ZNF292: variants seen among roughly 807,000 people sequenced by gnomAD.
ZNF292 encodes 16 zinc-finger domain protein.
A neutral mutation model predicts 217.9 loss-of-function variants in ZNF292; 26 were observed. The observed-to-expected ratio is 0.12, with a 90% CI of 0.09 to 0.17. The LOEUF (loss-of-function observed/expected upper bound fraction) is 0.17. Ranked by LOEUF, ZNF292 falls within the 10% of genes least tolerant of loss-of-function variation. The probability of loss-of-function intolerance (pLI) is 1.00; values close to 1 mark genes in which losing one functional copy is unlikely to be tolerated. For synonymous variants in ZNF292, 1,257 were observed against 1,124.1 expected (o/e 1.12, Z -2.37); for missense variants, 2,904 against 3,175.2 (o/e 0.91, Z 2.05).
In ZNF292 at chr6:87,259,100, A is replaced by C; in HGVS notation, c.5471A>C (p.Asn1824Thr). 7 of 1,613,350 alleles carry C rather than the reference A, an allele frequency of 4.3e-6. No individual in the cohort carries two copies. Among genetic ancestry groups the C allele is most frequent in the Non-Finnish European group, 5.9e-6 (7 of 1,179,638 alleles). The change falls in exon 8 of 8, where the codon AAC becomes ACC. Residue 1824 changes from asparagine (N) to threonine (T), a missense_variant. Physicochemically the swap from Asn to Thr is moderately conservative, Grantham distance 65. This residue lies in a region of ZNF292 where 622 missense variants were observed against 573.1 expected (regional missense o/e 1.09). Transcript: ENST00000369577. ...SFISVMPTKS[N>T]IPQSEVSHKE... ...ATAAGTGTCATGCCAACAAAAAGTA[A>C]CATTCCTCAGTCTGAAGTATCACAT...
chr6:87,239,567 G>T (rs968974515), intron 5 of ZNF292, among the ~76,000 whole-genome samples: 2 of 149,614 alleles, frequency 1.3e-5, no homozygotes, highest in Non-Finnish European at 3.0e-5. Flanking sequence ...CGGCTGCCGG[G>T]CGGAGACGCT....
intron 1 of ZNF292, among the ~76,000 whole-genome samples, chr6:87,157,982 G>C (rs1770602257): frequency 6.6e-6 from 1 of 152,184 alleles, no homozygotes; most frequent in Non-Finnish European, 1.5e-5. Context: ...AAAGTGCTGG[G>C]ATTACAGGTG....
intron 4 of ZNF292, among the ~76,000 whole-genome samples, chr6:87,228,815 G>A (rs1773504873): frequency 6.6e-6 from 1 of 152,116 alleles, no homozygotes; most frequent in South Asian, 2.1e-4. Flanking sequence ...TATCATCAGT[G>A]TTTGATTACT....
chr6:87,192,155 G>A (rs1334451531), intron 1 of ZNF292, among the ~76,000 whole-genome samples: 1 of 152,152 alleles, frequency 6.6e-6, no homozygotes, highest in Non-Finnish European at 1.5e-5. Flanking sequence ...ACAACAGACC[G>A]GGGAAGAAAA....
intron 1 of ZNF292, among the ~76,000 whole-genome samples, chr6:87,209,867 A>G (rs1361264517): frequency 6.6e-6 from 1 of 152,202 alleles, no homozygotes; most frequent in African/African-American, 2.4e-5. Flanking sequence ...AGTAATTTTT[A>G]AGAGAGTAAA....
chr6:87,248,270 G>T lies in ZNF292; in HGVS notation c.1020+2626G>T, dbSNP rs1228044679. ...GATACTTCCCTATCCCTCTTTATAA[G>T]TACCTTTTAAAATCTGTCATTGGTC... On this transcript the variant is annotated intron_variant, in intron 7 of 7. Coordinates refer to ENST00000369577, the MANE Select transcript of ZNF292 (RefSeq NM_015021.3). Among the ~76,000 whole-genome samples, 3 of 152,202 alleles carry T rather than the reference G, an allele frequency of 2.0e-5. No homozygotes were observed. In the East Asian group the frequency reaches 5.8e-4, roughly 29 times the overall value.
chr6:87,211,489 A>C (rs1772484037), intron 1 of ZNF292, among the ~76,000 whole-genome samples: 2 of 152,220 alleles, frequency 1.3e-5, no homozygotes, highest in African/African-American at 4.8e-5. Flanking sequence ...TCAGACTATG[A>C]GGATTTGAAT....
chr6:87,159,290 T>G (rs1056941005), intron 1 of ZNF292, among the ~76,000 whole-genome samples: 1 of 152,128 alleles, frequency 6.6e-6, no homozygotes, highest in Non-Finnish European at 1.5e-5. Context: ...AATGAGAATT[T>G]GCTTAAAGCT....
chr6:87,237,292 C>G (rs1773949702), intron 5 of ZNF292, among the ~76,000 whole-genome samples: 1 of 152,156 alleles, frequency 6.6e-6, no homozygotes, highest in Middle Eastern at 3.2e-3. Flanking sequence ...GTTGCCCAGG[C>G]TGGAGTGCAG....
At position 87,162,197 on chromosome 6, in the gene ZNF292, C is replaced by A. The variant is rs527856891; in HGVS notation, c.168+6438C>A. 4.1e-4 allele frequency among the ~76,000 whole-genome samples: 62 copies of A among 152,242 alleles called. 1 individual carries two copies. The highest frequency in any genetic ancestry group is 1.4e-3 in the African/African-American group (58 of 41,534). On this transcript the variant is annotated intron_variant, in intron 1 of 7. Transcript: ENST00000369577. ...GTACTATTTGAGCTAGTCTTCATTACCTTTGTTAGCCATTATTGGTGCCTG... is the reference window on the plus strand; with the variant it reads ...GTACTATTTGAGCTAGTCTTCATTAACTTTGTTAGCCATTATTGGTGCCTG...
chr6:87,192,182 C>G (rs1771838469), intron 1 of ZNF292, among the ~76,000 whole-genome samples: 1 of 152,114 alleles, frequency 6.6e-6, no homozygotes, highest in African/African-American at 2.4e-5. Context: ...TAACATAGAA[C>G]TTTGTTTTTA....
chr6:87,239,957 G>A (rs993445194), intron 5 of ZNF292, among the ~76,000 whole-genome samples: 29 of 152,220 alleles, frequency 1.9e-4, no homozygotes, highest in East Asian at 3.9e-4. Flanking sequence ...GGTGGCGGCC[G>A]GGCAGAGGCT....
chr6:87,257,885 C>G lies in ZNF292; in HGVS notation c.4256C>G (p.Pro1419Arg). The change falls in exon 8 of 8, where the codon CCT becomes CGT. Residue 1419 changes from proline (P) to arginine (R), a missense_variant. Physicochemically the swap from Pro to Arg is moderately radical, Grantham distance 103 (BLOSUM62 -2). This residue lies in a region of ZNF292 where 622 missense variants were observed against 573.1 expected (regional missense o/e 1.09). Transcript: ENST00000369577. ...GAACTTCTACAGAGTAATGGACAGC[C>G]TTCTCTTCTTGCCAGCATGATTCTC... The part of the protein sequence containing the change: ...AQELLQSNGQ[P>R]SLLASMILST... The G allele has an allele frequency of 6.2e-7, 1 of 1,613,872 alleles. No individual in the cohort carries two copies. The highest frequency in any genetic ancestry group is 8.5e-7 in the Non-Finnish European group (1 of 1,179,824).
intron 1 of ZNF292, among the ~76,000 whole-genome samples, chr6:87,172,840 G>A (rs930922003): frequency 1.3e-5 from 2 of 151,446 alleles, no homozygotes; most frequent in Admixed American, 6.6e-5. Context: ...CTGGGAAGTC[G>A]AGGTTGCAGT....
At position 87,258,879 on chromosome 6, in the gene ZNF292, T is replaced by C. The variant is rs1276647708; in HGVS notation, c.5250T>C (p.Asn1750=). The change falls in exon 8 of 8, where the codon AAT becomes AAC. Residue 1750 remains asparagine (N), a synonymous_variant. Coordinates refer to ENST00000369577, the MANE Select transcript of ZNF292 (RefSeq NM_015021.3). ...CTGATTTGCAGATTTCTGAAGACAA[T>C]GTTATACAAAACTTTGAAAAGACTC... ...INSDLQISED[N]VIQNFEKTLE... The C allele has an allele frequency of 1.9e-6, 3 of 1,607,832 alleles. No individual in the cohort carries two copies. Among genetic ancestry groups the C allele is most frequent in the African/African-American group, 1.3e-5 (1 of 74,820 alleles).
chr6:87,246,543 A>G (rs1774592942), intron 7 of ZNF292, among the ~76,000 whole-genome samples: 1 of 152,188 alleles, frequency 6.6e-6, no homozygotes, highest in South Asian at 2.1e-4. Context: ...TTTGATATCT[A>G]CACAGGGACA....
chr6:87,174,720 C>T (rs1211167435), intron 1 of ZNF292, among the ~76,000 whole-genome samples: 4 of 152,114 alleles, frequency 2.6e-5, no homozygotes, highest in African/African-American at 9.7e-5. Flanking sequence ...TACTAAGGCC[C>T]ATTAAACTCA....
At chr6:87,157,893 A>G (rs1770599100) in intron 1 of ZNF292, among the ~76,000 whole-genome samples, 1 of 151,966 alleles carries the variant, frequency 6.6e-6, no homozygotes, top group South Asian at 2.1e-4. Context: ...TTGGGGTTTC[A>G]CTGTATGTCG....
Position 87,256,610 on chromosome 6 carries a change from G to A in ZNF292, c.2981G>A (p.Cys994Tyr), listed in dbSNP as rs888303768. 19 of 1,613,458 alleles carry A rather than the reference G, an allele frequency of 1.2e-5. No individual in the cohort carries two copies. Among genetic ancestry groups the A allele is most frequent in the Admixed American group, 3.3e-5 (2 of 59,968 alleles). The change falls in exon 8 of 8, where the codon TGC (cysteine) becomes TAC (tyrosine). Residue 994 changes from cysteine to tyrosine, a missense_variant. Physicochemically the swap from Cys to Tyr is radical, Grantham distance 194. Transcript: ENST00000369577. ...PGFQERKEQD[C>Y]FNDAHVTQNS... ...TTCCAGGAGAGAAAAGAACAAGATT[G>A]CTTTAATGATGCCCATGTTACTCAG... is the stretch of plus-strand genomic sequence containing the variant.
Sources: allele counts gnomAD v4.1 joint callset (sites outside exome capture counted in the v4.1 genomes callset), GRCh38; gene constraint gnomAD v4.1.1; regional missense constraint gnomAD v4.1.1; transcripts MANE v1.5; gene names NCBI Gene and HGNC (gene_info 2026-07-23, HGNC 2026-07-21).